CADM2: variants seen among roughly 807,000 people sequenced by gnomAD.
The protein encoded by CADM2 is immunoglobulin superfamily member 4D.
A neutral mutation model predicts 49.8 loss-of-function variants in CADM2; 12 were observed. The ratio of observed to expected loss-of-function variants is 0.24; its 90% confidence interval spans 0.15 to 0.39. The LOEUF (loss-of-function observed/expected upper bound fraction) is 0.39, where lower values mean the gene tolerates loss of function less well. Ranked by LOEUF, CADM2 falls within the 10% of genes least tolerant of loss-of-function variation. The pLI is 1.00. For synonymous variants in CADM2, 214 were observed against 175.4 expected (o/e 1.22, Z -1.74); for missense variants, 378 against 492.3 (o/e 0.77, Z 2.20).
intron 5 of CADM2, among the ~76,000 whole-genome samples, chr3:85,894,494 A>T (rs1273994374): frequency 1.4e-5 from 2 of 145,888 alleles, no homozygotes; most frequent in Non-Finnish European, 3.1e-5. Flanking sequence ...CTTAAAGTAT[A>T]AAAAAAAAAC....
At chr3:85,926,020 C>G (rs532485016) in intron 6 of CADM2, among the ~76,000 whole-genome samples, 71 of 151,870 alleles carry the variant, frequency 4.7e-4, no homozygotes, top group Middle Eastern at 3.4e-3. Flanking sequence ...GCCTGTAGTC[C>G]CAGCTACTCG....
intron 1 of CADM2, among the ~76,000 whole-genome samples, chr3:85,575,879 T>C (rs945602681): frequency 6.6e-6 from 1 of 152,144 alleles, no homozygotes; most frequent in Non-Finnish European, 1.5e-5. Context: ...ATAGAATGAG[T>C]ATGTACTGAA....
At chr3:85,385,305 G>A (rs1275398130) in intron 1 of CADM2, among the ~76,000 whole-genome samples, 1 of 152,102 alleles carries the variant, frequency 6.6e-6, no homozygotes, top group Non-Finnish European at 1.5e-5. Context: ...ACAATGATAT[G>A]CTGAATTTTT....
chr3:85,250,821 T>G (rs2042755320), intron 1 of CADM2, among the ~76,000 whole-genome samples: 1 of 151,738 alleles, frequency 6.6e-6, no homozygotes, highest in Non-Finnish European at 1.5e-5. Context: ...ATTTCTACAT[T>G]TAATCATTGT....
intron 7 of CADM2, among the ~76,000 whole-genome samples, chr3:85,950,602 C>G (rs569598008): frequency 1.3e-4 from 20 of 151,100 alleles, no homozygotes; most frequent in Non-Finnish European, 2.8e-4. Flanking sequence ...TTCTAAAGAG[C>G]ACTTACCTCT....
intron 1 of CADM2, among the ~76,000 whole-genome samples, chr3:85,296,709 C>A (rs2043973505): frequency 6.6e-6 from 1 of 152,046 alleles, no homozygotes. Context: ...CCTTTTATTT[C>A]TAAGATCTAA....
chr3:86,000,107 T>A (rs1729983763), intron 8 of CADM2, among the ~76,000 whole-genome samples: 2 of 152,318 alleles, frequency 1.3e-5, no homozygotes, highest in South Asian at 4.1e-4. Context: ...CTGTGTTTAA[T>A]GAGTCTGAGG....
At chr3:85,075,080 A>G (rs1220299375) in intron 1 of CADM2, among the ~76,000 whole-genome samples, 8 of 152,180 alleles carry the variant, frequency 5.3e-5, no homozygotes, top group Non-Finnish European at 1.0e-4. Flanking sequence ...GGAAAAAAGA[A>G]CAAATACTTG....
intron 1 of CADM2, among the ~76,000 whole-genome samples, chr3:85,610,934 C>T (rs2063665428): frequency 6.6e-6 from 1 of 151,876 alleles, no homozygotes; most frequent in African/African-American, 2.4e-5. Context: ...ATATCATATA[C>T]TCCGTTCTCT....
At chr3:85,497,381 A>G (rs2039948696) in intron 1 of CADM2, among the ~76,000 whole-genome samples, 1 of 152,078 alleles carries the variant, frequency 6.6e-6, no homozygotes, top group African/African-American at 2.4e-5. Flanking sequence ...AGGCGTCATT[A>G]CATTTGAAAT....
intron 1 of CADM2, among the ~76,000 whole-genome samples, chr3:85,131,591 G>C (rs767552592): frequency 6.6e-6 from 1 of 152,160 alleles, no homozygotes; most frequent in South Asian, 2.1e-4. Flanking sequence ...ACTATATAGC[G>C]GGGCCCATGT....
intron 1 of CADM2, among the ~76,000 whole-genome samples, chr3:85,240,542 A>G (rs1487752893): frequency 1.3e-5 from 2 of 151,530 alleles, no homozygotes; most frequent in Non-Finnish European, 3.0e-5. Context: ...ACATGACAAA[A>G]TGAATGGTTT....
chr3:85,299,182 CA>C (rs1454692959), intron 1 of CADM2, among the ~76,000 whole-genome samples: 1 of 152,012 alleles, frequency 6.6e-6, no homozygotes. Context: ...ATTAACACAA[CA>C]GAAATTTTAC....
intron 8 of CADM2, among the ~76,000 whole-genome samples, chr3:86,063,188 G>A (rs1738896682): frequency 6.6e-6 from 1 of 152,054 alleles, no homozygotes; most frequent in Non-Finnish European, 1.5e-5. Context: ...CAAAGCTCAA[G>A]ATCCGCAGAT....
intron 1 of CADM2, among the ~76,000 whole-genome samples, chr3:85,401,012 C>G (rs1945065711): frequency 6.6e-6 from 1 of 152,190 alleles, no homozygotes; most frequent in South Asian, 2.1e-4. Context: ...TGGCTCAATG[C>G]TTTACTTTCA....
intron 3 of CADM2, among the ~76,000 whole-genome samples, chr3:85,826,566 C>G (rs1224336938): frequency 6.6e-6 from 1 of 151,908 alleles, no homozygotes; most frequent in Non-Finnish European, 1.5e-5. Context: ...TCCTCTTTCT[C>G]TCACTTGCAA....
At chr3:85,327,416 A>G (rs890438536) in intron 1 of CADM2, among the ~76,000 whole-genome samples, 1 of 151,536 alleles carries the variant, frequency 6.6e-6, no homozygotes, top group African/African-American at 2.4e-5. Context: ...CCACCATGCC[A>G]GGCTAATTTT....
At chr3:84,972,015 G>A (rs1054221063) in intron 1 of CADM2, among the ~76,000 whole-genome samples, 1 of 152,108 alleles carries the variant, frequency 6.6e-6, no homozygotes, top group Non-Finnish European at 1.5e-5. Context: ...ATGCTGTAAA[G>A]GGAGGAGCTA....
chr3:85,522,122 A>G (rs1559884474), intron 1 of CADM2, among the ~76,000 whole-genome samples: 1 of 151,992 alleles, frequency 6.6e-6, no homozygotes, highest in African/African-American at 2.4e-5. Context: ...TCACTTCACT[A>G]TTCTGTTCAT....
Sources: gnomAD v4.1 joint callset for allele counts (sites outside exome capture counted in the v4.1 genomes callset) on GRCh38, gnomAD v4.1.1 for gene constraint, MANE v1.5 for transcripts, NCBI Gene and HGNC (gene_info 2026-07-23, HGNC 2026-07-21) for gene names.